TMEM178B: variants seen among roughly 807,000 people sequenced by gnomAD.
The protein encoded by TMEM178B is transmembrane protein 178B.
A neutral mutation model predicts 31.0 loss-of-function variants in TMEM178B; 5 were observed. That is an observed-to-expected ratio of 0.16 (90% CI 0.08 to 0.34). The LOEUF (loss-of-function observed/expected upper bound fraction) is 0.34, where lower values mean the gene tolerates loss of function less well. TMEM178B is among the 10% of genes least tolerant of loss of function. The pLI is 1.00. For missense variants in TMEM178B, 275 were observed against 400.3 expected, an observed-to-expected ratio of 0.69 and a Z score of 2.67; for synonymous variants, 164 against 164.0, an observed-to-expected ratio of 1.00 and a Z score of 0.00.
chr7:141,320,630 A>G (rs1028723019), intron 2 of TMEM178B, among the ~76,000 whole-genome samples: 3 of 152,136 alleles, frequency 2.0e-5, no homozygotes, highest in Non-Finnish European at 4.4e-5. Context: ...AGCGCTTTAC[A>G]TATTCAGTCA....
chr7:141,251,102 C>T (rs1236800631), intron 2 of TMEM178B, among the ~76,000 whole-genome samples: 1 of 152,014 alleles, frequency 6.6e-6, no homozygotes, highest in Non-Finnish European at 1.5e-5. Context: ...GGCCATGTGG[C>T]TCTGCTGGGC....
intron 2 of TMEM178B, among the ~76,000 whole-genome samples, chr7:141,363,138 C>A (rs1799945830): frequency 6.6e-6 from 1 of 152,120 alleles, no homozygotes; most frequent in Non-Finnish European, 1.5e-5. Flanking sequence ...CCAAATAGCT[C>A]ATTAATGCTT....
chr7:141,116,655 A>T (rs776831395), intron 1 of TMEM178B, among the ~76,000 whole-genome samples: 3 of 151,870 alleles, frequency 2.0e-5, no homozygotes, highest in Non-Finnish European at 4.4e-5. Flanking sequence ...TCCTAATGCT[A>T]TCCCTCCCCT....
In TMEM178B at chr7:141,078,545, T is replaced by A. The variant is rs187674170; in HGVS notation, c.382+3853T>A. ...GGATGAAGAAATGCATAAGATCTGG[T>A]CCTCAGAATTTGCATAGTCTGTTAG... On this transcript the variant is annotated intron_variant, in intron 1 of 3. Transcript: ENST00000565468. 1.9e-3 allele frequency among the ~76,000 whole-genome samples: 296 copies of A among 152,316 alleles called. 3 individuals are homozygous for A. The highest frequency in any genetic ancestry group is 5.9e-4 in the Non-Finnish European group (40 of 68,026).
rs572504579 is a variant in TMEM178B, at chr7:141,219,706, G to A, written c.496+7002G>A. Among the ~76,000 whole-genome samples, 11 of 152,224 alleles carry A rather than the reference G, an allele frequency of 7.2e-5. No individual in the cohort carries two copies. The South Asian group carries it at 1.7e-3, about 23-fold the overall frequency. On this transcript the variant is annotated intron_variant, in intron 2 of 3. Coordinates refer to ENST00000565468, the MANE Select transcript of TMEM178B (RefSeq NM_001195278.2). ...TGCCTGTCCTCCCAGAGCTCTGGTG[G>A]TATTTATGCACCAGGCCAGGCAGAG... is the stretch of plus-strand genomic sequence containing the variant.
At chr7:141,469,228 C>T (rs563482253) in intron 3 of TMEM178B, among the ~76,000 whole-genome samples, 1 of 152,162 alleles carries the variant, frequency 6.6e-6, no homozygotes, top group African/African-American at 2.4e-5. Context: ...AAAACCTTAC[C>T]GAGGACTTCT....
At chr7:141,270,288 A>C (rs1224700184) in intron 2 of TMEM178B, among the ~76,000 whole-genome samples, 1 of 152,114 alleles carries the variant, frequency 6.6e-6, no homozygotes, top group African/African-American at 2.4e-5. Flanking sequence ...TTTGGGGAGC[A>C]CCTGGGTCAG....
At chr7:141,232,275 A>G (rs192283023) in intron 2 of TMEM178B, among the ~76,000 whole-genome samples, 36 of 152,296 alleles carry the variant, frequency 2.4e-4, no homozygotes, top group Admixed American at 1.3e-3. Flanking sequence ...GAACATATGC[A>G]TGCATGTATC....
intron 2 of TMEM178B, among the ~76,000 whole-genome samples, chr7:141,378,402 G>A (rs1375354782): frequency 6.6e-6 from 1 of 152,106 alleles, no homozygotes; most frequent in Non-Finnish European, 1.5e-5. Context: ...GAGTCACTGA[G>A]TTCAGCCCAT....
At chr7:141,302,224 TGTATCCATA>T (rs1335248685) in intron 2 of TMEM178B, among the ~76,000 whole-genome samples, 2 of 152,228 alleles carry the variant, frequency 1.3e-5, no homozygotes, top group Non-Finnish European at 2.9e-5. Flanking sequence ...AACAATGTGG[TGTATCCATA>T]CAATGGTCCA....
At position 141,333,758 on chromosome 7, in the gene TMEM178B, G is replaced by A. The variant is rs545208264; in HGVS notation, c.497-103850G>A. ...GAAGATAATTTTTCCGTGGACTGGG[G>A]TGGAGGGCGGAGAATGGTTTCAGGA... On this transcript the variant is annotated intron_variant, in intron 2 of 3. Coordinates refer to ENST00000565468, the MANE Select transcript of TMEM178B (RefSeq NM_001195278.2). 7.9e-4 allele frequency among the ~76,000 whole-genome samples: 120 copies of A among 152,344 alleles called. 2 individuals carry two copies. The South Asian group carries it at 0.024, about 31-fold the overall frequency.
At chr7:141,287,760 G>A (rs1798469917) in intron 2 of TMEM178B, among the ~76,000 whole-genome samples, 1 of 152,222 alleles carries the variant, frequency 6.6e-6, no homozygotes, top group South Asian at 2.1e-4. Flanking sequence ...ATCGGGGCCT[G>A]AATAGTTGAA....
intron 2 of TMEM178B, among the ~76,000 whole-genome samples, chr7:141,428,980 C>T (rs1475543672): frequency 6.6e-6 from 1 of 152,110 alleles, no homozygotes; most frequent in Admixed American, 6.6e-5. Flanking sequence ...GATATACCAT[C>T]TCACCTCAGT....
the TMEM178B span, among the ~76,000 whole-genome samples, chr7:141,509,418 G>A: frequency 2.0e-5 from 3 of 152,164 alleles, no homozygotes; most frequent in Non-Finnish European, 4.4e-5. Context: ...GGGAGGCCGA[G>A]GCAGGAGGAT....
At chr7:141,421,611 A>C (rs578250848) in intron 2 of TMEM178B, among the ~76,000 whole-genome samples, 1 of 152,146 alleles carries the variant, frequency 6.6e-6, no homozygotes, top group Non-Finnish European at 1.5e-5. Context: ...TTATGATCTC[A>C]TGGGTAAAAG....
At chr7:141,431,907 G>A (rs1201173817) in intron 2 of TMEM178B, among the ~76,000 whole-genome samples, 1 of 152,160 alleles carries the variant, frequency 6.6e-6, no homozygotes, top group Non-Finnish European at 1.5e-5. Context: ...ATAGGTTAAC[G>A]AGAATGGGCA....
chr7:141,448,510 AG>A (rs1801802754), intron 3 of TMEM178B, among the ~76,000 whole-genome samples: 1 of 152,204 alleles, frequency 6.6e-6, no homozygotes, highest in African/African-American at 2.4e-5. Flanking sequence ...TCTTTTGGAA[AG>A]TTCCTGTAAT....
At chr7:141,154,619 G>A (rs1796034668) in intron 1 of TMEM178B, among the ~76,000 whole-genome samples, 1 of 152,154 alleles carries the variant, frequency 6.6e-6, no homozygotes, top group African/African-American at 2.4e-5. Flanking sequence ...CCATGGAAAG[G>A]CGATGGGCCT....
chr7:141,267,418 T>G (rs1157255172), intron 2 of TMEM178B, among the ~76,000 whole-genome samples: 2 of 152,234 alleles, frequency 1.3e-5, no homozygotes, highest in African/African-American at 4.8e-5. Context: ...AGTAGTGGGT[T>G]TGGAGGCCTT....
Sources: allele counts gnomAD v4.1 joint callset (sites outside exome capture counted in the v4.1 genomes callset), GRCh38; gene constraint gnomAD v4.1.1; transcripts MANE v1.5; gene names NCBI Gene and HGNC (gene_info 2026-07-23, HGNC 2026-07-21).